Variants in RYR3 observed in about 807,000 individuals in gnomAD.
The protein encoded by RYR3 is ryanodine receptor 3.
Under a neutral mutation model 584.3 loss-of-function variants are expected in RYR3, and 207 were observed. The ratio of observed to expected loss-of-function variants is 0.35; its 90% CI spans 0.32 to 0.40. The LOEUF is 0.40. Among genes scored for constraint, RYR3 ranks in the 10% least tolerant of loss-of-function variants. The pLI, the probability that RYR3 is intolerant of heterozygous loss-of-function variation, is 1.00. For missense variants in RYR3, 5,616 were observed against 6,089.2 expected (o/e 0.92, Z 2.59); for synonymous variants, 2,416 against 2,248.5 (o/e 1.07, Z -2.11).
chr15:33,562,093 G>A (rs2057437951), intron 10 of RYR3, among the ~76,000 whole-genome samples: 1 of 152,138 alleles, frequency 6.6e-6, no homozygotes, highest in African/African-American at 2.4e-5. Flanking sequence ...TTGATGAGGA[G>A]GGGAAGAAGT....
intron 103 of RYR3, 99 bp from the exon 104 acceptor site, chr15:33,865,032 A>C (rs1890005539): frequency 1.2e-6 from 1 of 811,562 alleles, no homozygotes; most frequent in African/African-American, 1.7e-5. Flanking sequence ...ATAAATTCAC[A>C]TCAGTCTTCC....
intron 27 of RYR3, among the ~76,000 whole-genome samples, chr15:33,643,370 T>C (rs2061936261): frequency 6.6e-6 from 1 of 152,204 alleles, no homozygotes; most frequent in South Asian, 2.1e-4. Context: ...TCCACAATTA[T>C]GATTTATAAA....
intron 43 of RYR3, among the ~76,000 whole-genome samples, chr15:33,711,521 G>A (rs1225962296): frequency 1.3e-5 from 2 of 152,080 alleles, no homozygotes; most frequent in East Asian, 1.9e-4. Flanking sequence ...GGGATTATAG[G>A]CATGAGCCAC....
At chr15:33,853,703 C>G (rs768167566) in intron 96 of RYR3, 21 bp downstream of exon 96, 17 of 1,607,698 alleles carry the variant, frequency 1.1e-5, no homozygotes, top group Middle Eastern at 1.7e-4. Context: ...CTTAGGAGTT[C>G]AAATCCAAAG....
rs186058432 is a variant in RYR3 at position 33,865,584 on chromosome 15, A to G, written c.*358A>G. 11 of 196,910 alleles carry G rather than the reference A, an allele frequency of 5.6e-5. No individual in the cohort carries two copies. In the East Asian group the frequency reaches 1.4e-3, roughly 24 times the overall value. 12.2% of individuals were successfully genotyped at this position (196,910 alleles called of 1,614,324 possible). On this transcript the variant is annotated 3_prime_UTR_variant, in exon 104 of 104. Transcript: ENST00000634891. Reference sequence around the variant, plus strand: ...AATCTCGAATGTGTAATACCTGAAAATTTAAACACTTGAATGTCATCATGG... The same window carrying G: ...AATCTCGAATGTGTAATACCTGAAAGTTTAAACACTTGAATGTCATCATGG...
At chr15:33,549,742 T>C (rs2056533029) in intron 9 of RYR3, among the ~76,000 whole-genome samples, 1 of 152,242 alleles carries the variant, frequency 6.6e-6, no homozygotes, top group Non-Finnish European at 1.5e-5. Context: ...ACTATTTCCC[T>C]TGAAGATAGG....
intron 62 of RYR3, among the ~76,000 whole-genome samples, chr15:33,771,383 A>C (rs982074975): frequency 3.9e-5 from 6 of 152,020 alleles, no homozygotes; most frequent in Non-Finnish European, 7.4e-5. Flanking sequence ...AAAATACAAA[A>C]ATTAGCTGGG....
At chr15:33,377,283 T>C (rs2040824061) in intron 1 of RYR3, among the ~76,000 whole-genome samples, 1 of 152,202 alleles carries the variant, frequency 6.6e-6, no homozygotes, top group South Asian at 2.1e-4. Context: ...TCTGGGCAGC[T>C]CTTCTCTAAA....
At chr15:33,781,605 G>T (rs1406492259) in intron 65 of RYR3, among the ~76,000 whole-genome samples, 1 of 152,064 alleles carries the variant, frequency 6.6e-6, no homozygotes, top group African/African-American at 2.4e-5. Flanking sequence ...CTCGCTTCTT[G>T]TTACTTCAGG....
At chr15:33,722,941 T>A (rs749627016) in intron 44 of RYR3, 46 bp downstream of exon 44, 1 of 1,469,466 alleles carries the variant, frequency 6.8e-7, no homozygotes, top group Non-Finnish European at 9.2e-7. Context: ...GTTGGTGAGC[T>A]CTCAGATATT....
chr15:33,435,839 G>C (rs891431939), intron 1 of RYR3, among the ~76,000 whole-genome samples: 1 of 152,210 alleles, frequency 6.6e-6, no homozygotes. Context: ...AAGAGCTACA[G>C]AACAAAGCTT....
chr15:33,863,905 G>A (rs1889458885), intron 102 of RYR3, among the ~76,000 whole-genome samples: 1 of 152,136 alleles, frequency 6.6e-6, no homozygotes, highest in South Asian at 2.1e-4. Context: ...TTAGTTCAAG[G>A]TATAGGGATG....
chr15:33,371,067 T>C (rs2040298091), intron 1 of RYR3, among the ~76,000 whole-genome samples: 1 of 152,240 alleles, frequency 6.6e-6, no homozygotes, highest in African/African-American at 2.4e-5. Context: ...TCATTATTTT[T>C]ATTTCATATT....
rs916860922 is a variant in RYR3 at position 33,778,125 on chromosome 15, G to A, written c.9138-2086G>A. 1.1e-4 allele frequency among the ~76,000 whole-genome samples: 16 copies of A among 152,110 alleles called. No homozygotes were observed. In the East Asian group the frequency reaches 3.1e-3, roughly 29 times the overall value. On this transcript the variant is annotated intron_variant, in intron 64 of 103. Coordinates refer to ENST00000634891, the MANE Select transcript of RYR3 (RefSeq NM_001036.6). ...GCAGAGCTTGCAGTGAGCTGAGATC[G>A]CACCACTGTACTCCAGCCTGGGCGA...
In RYR3 at chr15:33,662,528, G is replaced by T; in HGVS notation, c.4998G>T (p.Arg1666Ser). 6.2e-7 allele frequency: 1 copy of T among 1,613,994 alleles called. No individual in the cohort carries two copies. The highest frequency in any genetic ancestry group is 8.5e-7 in the Non-Finnish European group (1 of 1,179,898). ...GAACATGTCTCAAGCCCGGGTTCAG[G>T]TTCTCCACCCCTTGCTTTGTTGTGA... ...GLRTCLKPGF[R>S]FSTPCFVVTG... is the part of the protein sequence containing the mutation. The change falls in exon 35 of 104, where the codon AGG (arginine) becomes AGT (serine). Residue 1666 changes from arginine (R) to serine (S), a missense_variant. By Grantham distance (110) the Arg-to-Ser change is moderately radical. Transcript: ENST00000634891.
chr15:33,638,492 AATCTC>A (rs1449946712), intron 27 of RYR3, among the ~76,000 whole-genome samples: 1 of 152,224 alleles, frequency 6.6e-6, no homozygotes, highest in African/African-American at 2.4e-5. Context: ...AGGAGATGAG[AATCTC>A]ATATGTTGTG....
chr15:33,425,982 T>C (rs1248129116), intron 1 of RYR3, among the ~76,000 whole-genome samples: 1 of 152,182 alleles, frequency 6.6e-6, no homozygotes, highest in Non-Finnish European at 1.5e-5. Context: ...AATATACTGA[T>C]ATGTTCCTAC....
intron 1 of RYR3, among the ~76,000 whole-genome samples, chr15:33,411,109 C>T (rs2043374186): frequency 6.6e-6 from 1 of 152,144 alleles, no homozygotes; most frequent in South Asian, 2.1e-4. Context: ...CCCTATCAGC[C>T]ACCCTCCCTC....
chr15:33,555,332 T>C (rs1480561313), intron 10 of RYR3, among the ~76,000 whole-genome samples: 1 of 151,952 alleles, frequency 6.6e-6, no homozygotes, highest in South Asian at 2.1e-4. Context: ...AGTTATCCAC[T>C]GGGGAAAGGG....
Sources: gnomAD v4.1 joint callset for allele counts (sites outside exome capture counted in the v4.1 genomes callset) on GRCh38, gnomAD v4.1.1 for gene constraint, MANE v1.5 for transcripts, NCBI Gene and HGNC (gene_info 2026-07-23, HGNC 2026-07-21) for gene names.